Variants in ABR observed in about 807,000 individuals in gnomAD.
ABR encodes active breakpoint cluster region-related protein.
A neutral mutation model predicts 107.2 loss-of-function variants in ABR; 35 were observed. That is an observed-to-expected ratio of 0.33 (90% CI 0.25 to 0.43). ABR has a LOEUF of 0.43. Among genes scored for constraint, ABR ranks in the 20% least tolerant of loss-of-function variants. The pLI is 1.00. For synonymous variants in ABR, 498 were observed against 462.0 expected, an observed-to-expected ratio of 1.08 and a Z score of -1.00; for missense variants, 815 against 1,115.2, an observed-to-expected ratio of 0.73 and a Z score of 3.83.
rs1432180141 is a variant in ABR at position 1,050,242 on chromosome 17, C to A, written c.1660-61G>T. 1.0e-5 allele frequency: 16 copies of A among 1,568,162 alleles called. No individual in the cohort carries two copies. The highest frequency in any genetic ancestry group is 9.5e-6 in the Non-Finnish European group (11 of 1,161,358). On this transcript the variant is annotated intron_variant, in intron 15 of 22. Transcript: ENST00000302538. The surrounding 1 kb of genome is among the most constrained non-coding windows in gnomAD (Gnocchi z 4.6). ...GAAGCTGGGAGGCCTGGCTTTCCGG[C>A]AGGTGCGTGCCTCAGCTTTGCAAGG... is the stretch of plus-strand genomic sequence containing the variant.
upstream of ABR, chr17:1,181,891 G>T (rs537110554): frequency 7.2e-5 from 11 of 152,384 alleles, no homozygotes; most frequent in South Asian, 1.7e-3. Flanking sequence ...GCCACATCCG[G>T]CGCTGACTGT....
At chr17:1,069,785 C>T (rs1213846954) in intron 9 of ABR, among the ~76,000 whole-genome samples, 184 bp downstream of exon 9, 1 of 130,076 alleles carries the variant, frequency 7.7e-6, no homozygotes, top group African/African-American at 2.9e-5. Flanking sequence ...GGTCAGGACC[C>T]CCTCCCCCGC....
At chr17:1,144,112 G>A (rs1306796637) in intron 1 of ABR, among the ~76,000 whole-genome samples, 1 of 152,036 alleles carries the variant, frequency 6.6e-6, no homozygotes, top group Non-Finnish European at 1.5e-5. Flanking sequence ...ATTGTTTCCT[G>A]CGATTTGACA....
chr17:1,035,319 T>C (rs1362650618), intron 16 of ABR, among the ~76,000 whole-genome samples: 2 of 137,096 alleles, frequency 1.5e-5, no homozygotes, highest in African/African-American at 2.8e-5. Flanking sequence ...CCTCCCTCAC[T>C]CCTTCCATCC....
chr17:1,140,900 G>A (rs943974767), intron 1 of ABR, among the ~76,000 whole-genome samples: 1 of 151,854 alleles, frequency 6.6e-6, no homozygotes, highest in Non-Finnish European at 1.5e-5. Context: ...TATTGCACTG[G>A]GAGGCAGAGG....
intron 1 of ABR, among the ~76,000 whole-genome samples, chr17:1,223,597 C>T (rs1008447581): frequency 6.6e-6 from 1 of 152,028 alleles, no homozygotes; most frequent in African/African-American, 2.4e-5. Flanking sequence ...AATAACAGCA[C>T]CTGTATTTGT....
At chr17:1,014,401 A>C (rs570660490) in intron 16 of ABR, among the ~76,000 whole-genome samples, 1 of 148,248 alleles carries the variant, frequency 6.7e-6, no homozygotes, top group Non-Finnish European at 1.5e-5. Flanking sequence ...AGATCGCGCC[A>C]CTGCACTCCA....
rs2151625488 is a variant in ABR at position 1,179,062 on chromosome 17, G to A, written c.61+605C>T. Reference sequence around the variant, plus strand: ...TGAGGGTGGGGGTGGTGATGAGGCTGGCAGGAAAGATTGCTGAGCCCGGGA... The same window carrying A: ...TGAGGGTGGGGGTGGTGATGAGGCTAGCAGGAAAGATTGCTGAGCCCGGGA... On this transcript the variant is annotated intron_variant, in intron 1 of 22. Coordinates refer to ENST00000302538, the MANE Select transcript of ABR (RefSeq NM_021962.5). The surrounding 1 kb of genome is among the most constrained non-coding windows in gnomAD (Gnocchi z 4.9). Among the ~76,000 whole-genome samples, 1 of 151,850 alleles carries A rather than the reference G, an allele frequency of 6.6e-6. No individual in the cohort carries two copies. Among genetic ancestry groups the A allele is most frequent in the South Asian group, 2.1e-4 (1 of 4,808 alleles).
chr17:1,086,361 A>T (rs966875737), intron 4 of ABR, among the ~76,000 whole-genome samples: 2 of 152,192 alleles, frequency 1.3e-5, no homozygotes, highest in African/African-American at 2.4e-5. Context: ...AGCCATGAAC[A>T]TGGATGCACC....
At position 1,004,168 on chromosome 17, in the gene ABR, T is replaced by G. The variant is rs984088092; in HGVS notation, c.*1912A>C. 6.6e-6 allele frequency: 1 copy of G among 152,140 alleles called. No homozygotes were observed. Among genetic ancestry groups the G allele is most frequent in the African/African-American group, 2.4e-5 (1 of 41,406 alleles). The allele number at this position is 152,140 out of a possible 1,614,324, so 9.4% of individuals were successfully genotyped here. A position where few individuals can be genotyped will look rare whatever the true frequency, so the allele number is the denominator to read the frequency against. On this transcript the variant is annotated 3_prime_UTR_variant, in exon 23 of 23. Coordinates refer to ENST00000302538, the MANE Select transcript of ABR (RefSeq NM_021962.5). The stretch of plus-strand genomic sequence containing the variant: ...AGCCTTCTGTGCCACACACCGACAC[T>G]CGGATGCCAGGCAGGGACCTTAGGA...
At chr17:1,036,557 C>A (rs1169651764) in intron 16 of ABR, among the ~76,000 whole-genome samples, 1 of 148,060 alleles carries the variant, frequency 6.8e-6, no homozygotes, top group African/African-American at 2.6e-5. Context: ...AGAGAGCCTG[C>A]CAGTGGCTCC....
chr17:1,029,293 A>G (rs1358890670), intron 16 of ABR, among the ~76,000 whole-genome samples: 2 of 151,910 alleles, frequency 1.3e-5, no homozygotes, highest in Non-Finnish European at 2.9e-5. Context: ...CGGTGACAAG[A>G]ACAGCCCAAC....
intron 10 of ABR, among the ~76,000 whole-genome samples, chr17:1,061,872 AAT>A (rs1458571231): frequency 2.6e-5 from 4 of 152,226 alleles, no homozygotes; most frequent in African/African-American, 9.6e-5. Flanking sequence ...CTACGTGTCG[AAT>A]ATGAGGAACA....
chr17:1,089,720 G>A, intron 4 of ABR, among the ~76,000 whole-genome samples: 1 of 152,194 alleles, frequency 6.6e-6, no homozygotes, highest in East Asian at 1.9e-4. Context: ...AGCACTTCGG[G>A]AGGCCGAGGC....
In ABR at chr17:1,150,730, C is replaced by A. The variant is rs563978432; in HGVS notation, c.62-25363G>T. 6.6e-6 allele frequency among the ~76,000 whole-genome samples: 1 copy of A among 152,242 alleles called. No individual in the cohort carries two copies. Among genetic ancestry groups the A allele is most frequent in the South Asian group, 2.1e-4 (1 of 4,820 alleles). On this transcript the variant is annotated intron_variant, in intron 1 of 22. Coordinates refer to ENST00000302538, the MANE Select transcript of ABR (RefSeq NM_021962.5). The surrounding 1 kb of genome is among the most constrained non-coding windows in gnomAD (Gnocchi z 4.8). ...CTCTAAACCAGAGGCAACAGGGCAC[C>A]CCACCCACTGGGAACCACGCGAGCA... is the stretch of plus-strand genomic sequence containing the variant.
chr17:1,132,716 C>A (rs2039901401), intron 1 of ABR, among the ~76,000 whole-genome samples: 1 of 152,078 alleles, frequency 6.6e-6, no homozygotes, highest in Admixed American at 6.6e-5. Context: ...AAGATGAAAA[C>A]CTCAACTTTC....
At chr17:1,115,912 A>C (rs1176588069) in intron 2 of ABR, among the ~76,000 whole-genome samples, 4 of 130,500 alleles carry the variant, frequency 3.1e-5, no homozygotes. Flanking sequence ...GGGTGACAGA[A>C]GGAGACTCTG....
chr17:1,183,611 C>G (rs2042202440), upstream of ABR, among the ~76,000 whole-genome samples: 1 of 152,120 alleles, frequency 6.6e-6, no homozygotes, highest in Non-Finnish European at 1.5e-5. Context: ...GGGACGGGCC[C>G]TAGAACCAAA....
In ABR at chr17:1,007,841, A is replaced by G. The variant is rs191669070; in HGVS notation, c.2343-529T>C. Among the ~76,000 whole-genome samples, 79 of 152,308 alleles carry G rather than the reference A, an allele frequency of 5.2e-4. 1 individual carries two copies. Among genetic ancestry groups the G allele is most frequent in the African/African-American group, 1.5e-3 (62 of 41,568 alleles). ...GCTTTCTCATGTGCTAAGTGGCCCAAAAGAAGAGTTAAGGTGGGTGGGGCA... is the reference window on the plus strand; with the variant it reads ...GCTTTCTCATGTGCTAAGTGGCCCAGAAGAAGAGTTAAGGTGGGTGGGGCA... On this transcript the variant is annotated intron_variant, in intron 21 of 22. Transcript: ENST00000302538.
Sources: allele counts gnomAD v4.1 joint callset (sites outside exome capture counted in the v4.1 genomes callset), GRCh38; gene constraint gnomAD v4.1.1; non-coding constraint Gnocchi (gnomAD v3.1); transcripts MANE v1.5; gene names NCBI Gene and HGNC (gene_info 2026-07-23, HGNC 2026-07-21).